The following RUBCN variants were observed in gnomAD, a reference collection of about 807,000 sequenced individuals.
RUBCN encodes the protein rubicon autophagy regulator.
A neutral mutation model predicts 113.2 loss-of-function variants in RUBCN; 74 were observed. The observed-to-expected ratio is 0.65, with a 90% CI of 0.54 to 0.79. RUBCN has a LOEUF of 0.79. RUBCN is among the 30% of genes least tolerant of loss of function. The pLI is 0.00. For synonymous variants in RUBCN, 480 were observed against 490.0 expected (o/e 0.98, Z 0.27); for missense variants, 1,109 against 1,251.7 (o/e 0.89, Z 1.72).
chr3:197,694,080 G>A (rs1347276261), intron 10 of RUBCN: 1 of 567,140 alleles, frequency 1.8e-6, no homozygotes. Context: ...ATTTAGAGCT[G>A]GGGTTTCACC....
rs527914600 is a variant in RUBCN at position 197,704,472 on chromosome 3, G to A, written c.463+70C>T. 3.4e-5 allele frequency: 48 copies of A among 1,416,564 alleles called. No homozygotes were observed. In the South Asian group the frequency reaches 5.5e-4, roughly 16 times the overall value. The allele number at this position is 1,416,564 out of a possible 1,614,324, so 87.7% of individuals were successfully genotyped here. A position where few individuals can be genotyped will look rare whatever the true frequency, so the allele number is the denominator to read the frequency against. ...AAAAATAGGAGGCCCTGGTACCAGA[G>A]GGGTAGAGGATAGTGAGGTGGGTGA... is the stretch of plus-strand genomic sequence containing the variant. On this transcript the variant is annotated intron_variant, in intron 4 of 19. Transcript: ENST00000296343.
At chr3:197,747,604 T>G (rs1307998514) in intron 1 of RUBCN, among the ~76,000 whole-genome samples, 1 of 152,114 alleles carries the variant, frequency 6.6e-6, no homozygotes, top group Non-Finnish European at 1.5e-5. Context: ...AAGTACAAAA[T>G]GCCTCCAAAC....
chr3:197,705,199 A>G (rs147075089), intron 2 of RUBCN, 24 bp from the exon 3 acceptor site: 3 of 1,604,502 alleles, frequency 1.9e-6, no homozygotes, highest in Non-Finnish European at 2.6e-6. Context: ...ACATACAATG[A>G]GCAAATCACG....
At chr3:197,738,860 T>C (rs1459425248), upstream of RUBCN, among the ~76,000 whole-genome samples, 1 of 152,128 alleles carries the variant, frequency 6.6e-6, no homozygotes, top group Non-Finnish European at 1.5e-5. Context: ...CCAAAAAGTA[T>C]TGGGATTACA....
At position 197,701,143 on chromosome 3, in the gene RUBCN, C is replaced by CTCTCTAGAATATAAAAGGAAA; in HGVS notation, c.728-18_730dup (p.Glu243_Arg244insIleSerPheTyrIleLeuGlu). 6.5e-7 allele frequency: 1 copy of CTCTCTAGAATATAAAAGGAAA among 1,536,118 alleles called. No homozygotes were observed. The highest frequency in any genetic ancestry group is 8.7e-7 in the Non-Finnish European group (1 of 1,144,270). On this transcript the variant is annotated inframe_insertion, in exon 7 of 20. Coordinates refer to ENST00000296343, the MANE Select transcript of RUBCN (RefSeq NM_014687.4). The stretch of plus-strand genomic sequence containing the variant: ...AGAGAGTGGAAAGGAAGTAGATCTT[C>CTCTCTAGAATATAAAAGGAAA]TCTCTAGAATATAAAAGGAAATGGT...
At position 197,677,556 on chromosome 3, in the gene RUBCN, AG is replaced by A. The variant is rs749350703; in HGVS notation, c.2431-16del. ...ACCCGCAGCAGCTGAAAAGAAAGAG[AG>A]GGGGGCAGGAGTGGGAGGGAGATGT... On this transcript the variant is annotated splice_polypyrimidine_tract_variant and intron_variant, in intron 16 of 19. Transcript: ENST00000296343. 1.9e-6 allele frequency: 3 copies of A among 1,613,006 alleles called. No homozygotes were observed. Among genetic ancestry groups the A allele is most frequent in the African/African-American group, 2.7e-5 (2 of 74,882 alleles).
At chr3:197,687,056 T>C (rs542802474) in intron 11 of RUBCN, among the ~76,000 whole-genome samples, 4 of 152,228 alleles carry the variant, frequency 2.6e-5, no homozygotes, top group East Asian at 1.9e-4. Context: ...TAGCAAACTA[T>C]GCAAATTTTT....
chr3:197,742,922 G>T (rs180922509), intron 1 of RUBCN, among the ~76,000 whole-genome samples: 233 of 152,350 alleles, frequency 1.5e-3, no homozygotes, highest in Non-Finnish European at 2.9e-3. Flanking sequence ...GCCACAGTTG[G>T]TCATTCAGTG....
chr3:197,718,913 C>T (rs1006036008), intron 1 of RUBCN, among the ~76,000 whole-genome samples: 6 of 152,200 alleles, frequency 3.9e-5, no homozygotes, highest in East Asian at 1.9e-4. Flanking sequence ...AGGACTAAGG[C>T]GGTCACTAAA....
Position 197,694,423 on chromosome 3 carries a change from T to C in RUBCN, c.1636A>G (p.Ile546Val). The change falls in exon 10 of 20, where the codon ATC becomes GTC. Residue 546 changes from isoleucine (I) to valine (V), a missense_variant. By Grantham distance (29) the Ile-to-Val change is conservative. This residue lies in a region of RUBCN where 736 missense variants were observed against 779.6 expected (regional missense o/e 0.94). Coordinates refer to ENST00000296343, the MANE Select transcript of RUBCN (RefSeq NM_014687.4). ...KQKIRLRRQQ[I>V]RTKNLLPMYQ... ...ATGGGGAGCAGGTTCTTGGTGCGGATTTGCTGGCGCCGAAGGCGGATCTTC... is the reference window on the plus strand; with the variant it reads ...ATGGGGAGCAGGTTCTTGGTGCGGACTTGCTGGCGCCGAAGGCGGATCTTC... 6.2e-7 allele frequency: 1 copy of C among 1,614,204 alleles called. No individual in the cohort carries two copies. Among genetic ancestry groups the C allele is most frequent in the Non-Finnish European group, 8.5e-7 (1 of 1,180,046 alleles).
intron 11 of RUBCN, among the ~76,000 whole-genome samples, chr3:197,685,341 C>T (rs534384439): frequency 2.0e-5 from 3 of 152,058 alleles, no homozygotes; most frequent in African/African-American, 4.8e-5. Context: ...CTAATGAAGC[C>T]GACACAATGA....
chr3:197,699,175 C>T (rs1255358341), intron 7 of RUBCN: 6 of 1,542,666 alleles, frequency 3.9e-6, no homozygotes, highest in East Asian at 2.4e-5. Flanking sequence ...GGTGGAGGAC[C>T]GATTCCCAAA....
In RUBCN at chr3:197,696,704, G is replaced by A. The variant is rs1348743872; in HGVS notation, c.1357+250C>T. On this transcript the variant is annotated intron_variant, in intron 8 of 19. Transcript: ENST00000296343. ...TCAGAGAGCCATCCCATCTGGACCA[G>A]CCGACGTACCCGGTGCGAACACCCA... 2.6e-5 allele frequency among the ~76,000 whole-genome samples: 4 copies of A among 152,152 alleles called. 1 individual carries two copies. The highest frequency in any genetic ancestry group is 5.9e-5 in the Non-Finnish European group (4 of 68,036).
chr3:197,714,048 C>A (rs1434641657), intron 2 of RUBCN, among the ~76,000 whole-genome samples: 2 of 151,970 alleles, frequency 1.3e-5, no homozygotes, highest in Non-Finnish European at 2.9e-5. Context: ...TGCACTCCAG[C>A]CTGGGCGACA....
At chr3:197,715,300 A>G (rs368541402) in intron 2 of RUBCN, among the ~76,000 whole-genome samples, 86 of 151,728 alleles carry the variant, frequency 5.7e-4, no homozygotes, top group African/African-American at 1.8e-3. Flanking sequence ...GAAAAAAAAA[A>G]AAAAAGAAAA....
Position 197,717,992 on chromosome 3 carries a change from C to A in RUBCN, c.204G>T (p.Gly68=). ...TTCTGCATACCTGGTCACGGATAAG[C>A]CCGTGATAGAGGATGCTCTGCATGT... ...CRDMQSILYH[G]LIRDQACRRQ... The change falls in exon 2 of 20, where the codon GGG becomes GGT. Residue 68 remains glycine, a synonymous_variant. Transcript: ENST00000296343. The A allele has an allele frequency of 6.2e-7, 1 of 1,613,930 alleles. No individual in the cohort carries two copies. The highest frequency in any genetic ancestry group is 1.3e-5 in the African/African-American group (1 of 75,036).
chr3:197,671,180 A>G lies in RUBCN; in HGVS notation c.*3838T>C, dbSNP rs1719755815. On this transcript the variant is annotated 3_prime_UTR_variant, in exon 20 of 20. Transcript: ENST00000296343. ...CAAGCACATGCCACCATGCCTGGCT[A>G]ATTTTTATATTTTTGTAGAGATGAG... 6.6e-6 allele frequency among the ~76,000 whole-genome samples: 1 copy of G among 152,020 alleles called. No individual in the cohort carries two copies. The highest frequency in any genetic ancestry group is 2.4e-5 in the African/African-American group (1 of 41,388).
At chr3:197,738,598 C>T (rs754309848), upstream of RUBCN, among the ~76,000 whole-genome samples, 5 of 152,010 alleles carry the variant, frequency 3.3e-5, no homozygotes, top group Admixed American at 6.6e-5. Flanking sequence ...ACTTTCTTCT[C>T]TTTTGGAGAC....
In RUBCN at chr3:197,670,958, G is replaced by T. The variant is rs1388416095; in HGVS notation, c.*4060C>A. Among the ~76,000 whole-genome samples, 1 of 152,202 alleles carries T rather than the reference G, an allele frequency of 6.6e-6. No individual in the cohort carries two copies. The highest frequency in any genetic ancestry group is 1.9e-4 in the East Asian group (1 of 5,200). On this transcript the variant is annotated 3_prime_UTR_variant, in exon 20 of 20. Coordinates refer to ENST00000296343, the MANE Select transcript of RUBCN (RefSeq NM_014687.4). The stretch of plus-strand genomic sequence containing the variant: ...CAGAGACTTGGTGAGCACTAAGAGG[G>T]GAGGTAGAGGTGGTCACAATCCCGC...
Sources: allele counts gnomAD v4.1 joint callset (sites outside exome capture counted in the v4.1 genomes callset), GRCh38; gene constraint gnomAD v4.1.1; regional missense constraint gnomAD v4.1.1; transcripts MANE v1.5; gene names NCBI Gene and HGNC (gene_info 2026-07-23, HGNC 2026-07-21).